The following SGCD variants were observed in gnomAD, a reference collection of about 807,000 sequenced individuals.
SGCD encodes the protein sarcoglycan delta.
Under a neutral mutation model 36.6 loss-of-function variants are expected in SGCD, and 18 were observed. The ratio of observed to expected loss-of-function variants is 0.49; its 90% CI spans 0.34 to 0.73. The LOEUF (loss-of-function observed/expected upper bound fraction) is 0.73. SGCD is among the 30% of genes least tolerant of loss of function. The probability of loss-of-function intolerance (pLI) is 0.01; values close to 1 mark genes in which losing one functional copy is unlikely to be tolerated. For missense variants in SGCD, 387 were observed against 346.7 expected, an observed-to-expected ratio of 1.12 and a Z score of -0.92; for synonymous variants, 133 against 130.6, an observed-to-expected ratio of 1.02 and a Z score of -0.12.
chr5:155,912,917 GGCATTTAAGTCTTTAGAAA>G, intron 1 of SGCD, among the ~76,000 whole-genome samples: 1 of 151,436 alleles, frequency 6.6e-6, no homozygotes, highest in Non-Finnish European at 1.5e-5. Context: ...TTTCATTCTT[GGCATTTAAGTCTTTAGAAA>G]GATAACTTGC....
At chr5:156,153,852 C>A (rs925656679) in intron 3 of SGCD, among the ~76,000 whole-genome samples, 2 of 151,630 alleles carry the variant, frequency 1.3e-5, no homozygotes, top group African/African-American at 2.4e-5. Flanking sequence ...ATTTTCAAAG[C>A]TCCAAAGGGT....
intron 7 of SGCD, among the ~76,000 whole-genome samples, chr5:156,689,182 T>C (rs943133255): frequency 6.6e-6 from 1 of 152,188 alleles, no homozygotes; most frequent in Non-Finnish European, 1.5e-5. Context: ...AAGATGGTGA[T>C]ATTAAAGGAG....
At chr5:155,772,615 G>A in the SGCD span, among the ~76,000 whole-genome samples, 15 of 152,140 alleles carry the variant, frequency 9.9e-5, no homozygotes, top group Admixed American at 3.9e-4. Context: ...ATGTTACTTC[G>A]GAGTTAAGTC....
At chr5:155,936,101 C>G (rs937966038) in intron 1 of SGCD, among the ~76,000 whole-genome samples, 1 of 152,194 alleles carries the variant, frequency 6.6e-6, no homozygotes, top group African/African-American at 2.4e-5. Flanking sequence ...TATTACAGTC[C>G]TGGCTCAGGG....
rs951576109 is a variant in SGCD, at chr5:155,882,846, C to A, written c.-282+12422C>A. On this transcript the variant is annotated intron_variant, in intron 1 of 9. Transcript: ENST00000517913. ...CATTAGCTCCTAACAAGGGAGTCAG[C>A]CTGCCCTTTGAAGCTTTAAAGCCGG... Among the ~76,000 whole-genome samples, 7 of 152,308 alleles carry A rather than the reference C, an allele frequency of 4.6e-5. No homozygotes were observed. The East Asian group carries it at 1.4e-3, about 29-fold the overall frequency.
At chr5:156,019,003 T>A (rs1433157750) in intron 1 of SGCD, among the ~76,000 whole-genome samples, 2 of 152,248 alleles carry the variant, frequency 1.3e-5, no homozygotes, top group Admixed American at 6.5e-5. Flanking sequence ...GGGAAATTCA[T>A]AATGTCCATA....
intron 1 of SGCD, among the ~76,000 whole-genome samples, chr5:156,098,639 TACACAC>T (rs35247485): frequency 2.0e-5 from 3 of 149,402 alleles, no homozygotes; most frequent in South Asian, 2.1e-4. Context: ...TGCATGTGTA[TACACAC>T]ACACACACAC....
intron 3 of SGCD, among the ~76,000 whole-genome samples, chr5:156,394,294 A>AT (rs995964720): frequency 1.3e-5 from 2 of 152,224 alleles, no homozygotes; most frequent in Non-Finnish European, 2.9e-5. Context: ...TTTATAAACT[A>AT]TTTTTTACAC....
chr5:156,211,765 G>A (rs1257432318), intron 3 of SGCD, among the ~76,000 whole-genome samples: 1 of 152,042 alleles, frequency 6.6e-6, no homozygotes, highest in Non-Finnish European at 1.5e-5. Flanking sequence ...TATCTTTAGT[G>A]TAAAAATTAG....
chr5:156,147,534 C>T lies in SGCD; in HGVS notation c.-44+23515C>T, dbSNP rs142151682. On this transcript the variant is annotated intron_variant, in intron 3 of 9. Transcript: ENST00000517913. ...TCTTGTTTCTTGCTGCATCACTCCC[C>T]GACTAGAAAGCAAGATTTCTGTATG... Among the ~76,000 whole-genome samples, 41 of 152,246 alleles carry T rather than the reference C, an allele frequency of 2.7e-4. No homozygotes were observed. In the East Asian group the frequency reaches 4.4e-3, roughly 16 times the overall value.
At chr5:155,821,474 C>T in the SGCD span, among the ~76,000 whole-genome samples, 159 of 152,130 alleles carry the variant, frequency 1.0e-3, no homozygotes, top group Middle Eastern at 0.014. Context: ...CCACCACGCC[C>T]GGCTAATTTT....
At chr5:155,867,747 A>C (rs1041554046), upstream of SGCD, among the ~76,000 whole-genome samples, 1 of 152,256 alleles carries the variant, frequency 6.6e-6, no homozygotes, top group African/African-American at 2.4e-5. Context: ...ATAATGGCTA[A>C]CACTTAGTGA....
intron 7 of SGCD, among the ~76,000 whole-genome samples, chr5:156,700,657 A>G (rs1754492064): frequency 6.6e-6 from 1 of 152,188 alleles, no homozygotes; most frequent in Admixed American, 6.5e-5. Context: ...CTATAAAAAA[A>G]ATAATGCTGG....
intron 3 of SGCD, among the ~76,000 whole-genome samples, chr5:156,345,776 A>G (rs1447383248): frequency 1.3e-5 from 2 of 152,216 alleles, no homozygotes; most frequent in African/African-American, 4.8e-5. Flanking sequence ...ACAAAGTAAC[A>G]GTAAAATTTT....
At chr5:156,455,570 G>T (rs1005905442) in intron 3 of SGCD, among the ~76,000 whole-genome samples, 3 of 151,882 alleles carry the variant, frequency 2.0e-5, no homozygotes, top group Non-Finnish European at 2.9e-5. Flanking sequence ...GCCTCCTTCG[G>T]TAGGAAAGGT....
At chr5:155,986,025 C>A (rs1176711531) in intron 1 of SGCD, among the ~76,000 whole-genome samples, 1 of 152,052 alleles carries the variant, frequency 6.6e-6, no homozygotes, top group Non-Finnish European at 1.5e-5. Context: ...AGTGTCGAGG[C>A]ACCCCAGGAG....
At chr5:156,510,658 G>A (rs1225664554) in intron 4 of SGCD, among the ~76,000 whole-genome samples, 2 of 151,548 alleles carry the variant, frequency 1.3e-5, no homozygotes, top group Non-Finnish European at 2.9e-5. Flanking sequence ...TTCTTAGTTT[G>A]GGAGTCATAC....
intron 3 of SGCD, among the ~76,000 whole-genome samples, chr5:156,380,759 C>T (rs925137841): frequency 6.6e-6 from 1 of 152,062 alleles, no homozygotes; most frequent in Non-Finnish European, 1.5e-5. Flanking sequence ...TTGTGTGAAG[C>T]AAGAGAATTG....
intron 3 of SGCD, among the ~76,000 whole-genome samples, chr5:156,292,952 T>A (rs1417911192): frequency 6.6e-6 from 1 of 152,170 alleles, no homozygotes; most frequent in Non-Finnish European, 1.5e-5. Flanking sequence ...GTTACTTTGT[T>A]TATTTTTAAG....
Sources: gnomAD v4.1 joint callset for allele counts (sites outside exome capture counted in the v4.1 genomes callset) on GRCh38, gnomAD v4.1.1 for gene constraint, MANE v1.5 for transcripts, NCBI Gene and HGNC (gene_info 2026-07-23, HGNC 2026-07-21) for gene names.